BPI: variants seen among roughly 807,000 people sequenced by gnomAD.
BPI encodes the protein bactericidal permeability increasing protein.
In BPI, 48 loss-of-function variants were observed where a neutral mutation model predicts 57.6. The ratio of observed to expected loss-of-function variants is 0.83; its 90% confidence interval spans 0.66 to 1.06. The LOEUF is 1.06. Among genes scored for constraint, BPI ranks in the 50% least tolerant of loss-of-function variants. The pLI is 0.00. For missense variants in BPI, 651 were observed against 609.7 expected, an observed-to-expected ratio of 1.07 and a Z score of -0.71; for synonymous variants, 237 against 238.2, an observed-to-expected ratio of 0.99 and a Z score of 0.05.
intron 6 of BPI, among the ~76,000 whole-genome samples, chr20:38,318,734 CA>C (rs1253542804): frequency 3.3e-5 from 5 of 152,190 alleles, no homozygotes; most frequent in African/African-American, 7.2e-5. Flanking sequence ...AAAATACCCC[CA>C]GCTCTCTGAG....
chr20:38,330,900 C>T (rs1012380837), intron 11 of BPI, 148 bp from the exon 12 acceptor site: 10 of 852,508 alleles, frequency 1.2e-5, no homozygotes, highest in African/African-American at 5.1e-5. Flanking sequence ...AAGGCAACAT[C>T]GGGGGGCTGT....
chr20:38,313,497 G>A (rs1182884195), intron 5 of BPI, among the ~76,000 whole-genome samples: 1 of 151,912 alleles, frequency 6.6e-6, no homozygotes, highest in African/African-American at 2.4e-5. Flanking sequence ...CACTCACTAG[G>A]CTAGCTCACC....
Position 38,326,375 on chromosome 20 carries a change from C to T in BPI, c.1104C>T (p.Val368=). 6.2e-7 allele frequency: 1 copy of T among 1,614,196 alleles called. No homozygotes were observed. The highest frequency in any genetic ancestry group is 1.1e-5 in the South Asian group (1 of 91,086). ...TTACCTTCTACCCTGCCGTGGATGT[C>T]CAGGCCTTTGCCGTCCTCCCCAACT... is the stretch of plus-strand genomic sequence containing the variant. ...TGLTFYPAVD[V]QAFAVLPNSS... The change falls in exon 10 of 15, where the codon GTC becomes GTT. Residue 368 remains valine (V), a synonymous_variant. Transcript: ENST00000642449.
intron 7 of BPI, among the ~76,000 whole-genome samples, chr20:38,322,437 A>G (rs1392098379): frequency 1.3e-5 from 2 of 152,238 alleles, no homozygotes; most frequent in African/African-American, 4.8e-5. Flanking sequence ...ACTGACAACC[A>G]TGGAGTGTGT....
At chr20:38,318,121 CA>C (rs57987577) in intron 5 of BPI, 24,560 of 629,004 alleles carry the variant, frequency 0.039, 9 homozygotes, top group Middle Eastern at 0.043. Context: ...ACAACAGCAA[CA>C]AAAAAAAAAA....
intron 11 of BPI, among the ~76,000 whole-genome samples, chr20:38,330,713 C>G (rs923368944): frequency 6.6e-6 from 1 of 152,166 alleles, no homozygotes; most frequent in Non-Finnish European, 1.5e-5. Context: ...ACCTTATTCC[C>G]AATATTCCCA....
intron 5 of BPI, among the ~76,000 whole-genome samples, chr20:38,313,914 G>C (rs1191793048): frequency 6.6e-6 from 1 of 151,400 alleles, no homozygotes; most frequent in Non-Finnish European, 1.5e-5. Flanking sequence ...TTCTGAGGAT[G>C]ATAATGATGA....
chr20:38,336,373 G>C (rs1267003626), intron 14 of BPI, among the ~76,000 whole-genome samples: 2 of 152,034 alleles, frequency 1.3e-5, no homozygotes, highest in South Asian at 2.1e-4. Context: ...TCCCAGACAT[G>C]CTTCCAGTCT....
At chr20:38,337,025 C>T in intron 14 of BPI, 121 bp from the exon 15 acceptor site, 1 of 969,614 alleles carries the variant, frequency 1.0e-6, no homozygotes, top group Non-Finnish European at 1.6e-6. Context: ...CCCACTGGCC[C>T]TGCCTTTCTC....
At chr20:38,327,808 A>G (rs1239117464) in intron 11 of BPI, among the ~76,000 whole-genome samples, 153 bp downstream of exon 11, 1 of 152,200 alleles carries the variant, frequency 6.6e-6, no homozygotes, top group Non-Finnish European at 1.5e-5. Flanking sequence ...TGGCCACAGT[A>G]TCCCCATTTT....
intron 10 of BPI, among the ~76,000 whole-genome samples, chr20:38,327,112 C>A (rs1476174650): frequency 1.3e-5 from 2 of 152,206 alleles, no homozygotes; most frequent in Non-Finnish European, 2.9e-5. Flanking sequence ...GGTTCAGACA[C>A]TCTCTGCACC....
At position 38,326,256 on chromosome 20, in the gene BPI, G is replaced by C. The variant is rs764711741; in HGVS notation, c.994-9G>C. 2.5e-6 allele frequency: 4 copies of C among 1,609,956 alleles called. No individual in the cohort carries two copies. Among genetic ancestry groups the C allele is most frequent in the South Asian group, 1.1e-5 (1 of 90,720 alleles). ...TCCTTTCGTTGATTGTCTCCACTGG[G>C]GGCTGCAGGTGGCCAAGAAGTTTCC... On this transcript the variant is annotated splice_polypyrimidine_tract_variant and intron_variant, in intron 9 of 14. Coordinates refer to ENST00000642449, the MANE Select transcript of BPI (RefSeq NM_001725.3).
rs557591968 is a variant in BPI at position 38,323,037 on chromosome 20, A to G, written c.757-833A>G. On this transcript the variant is annotated intron_variant, in intron 7 of 14. Coordinates refer to ENST00000642449, the MANE Select transcript of BPI (RefSeq NM_001725.3). ...TTCCAAGTACCCAACACACAGATTT[A>G]AGAGATCTTACCATTTTGTCATATT... Among the ~76,000 whole-genome samples, 3 of 152,360 alleles carry G rather than the reference A, an allele frequency of 2.0e-5. No individual in the cohort carries two copies. The East Asian group carries it at 5.8e-4, about 29-fold the overall frequency.
In BPI at chr20:38,326,320, C is replaced by T. The variant is rs555002988; in HGVS notation, c.1049C>T (p.Pro350Leu). ...CAGATCCATGTCTCAGCCTCCACCC[C>T]GCCACACCTGTCTGTGCAGCCCACC... ...KIQIHVSAST[P>L]PHLSVQPTGL... The change falls in exon 10 of 15, where the codon CCG becomes CTG. Residue 350 changes from proline (P) to leucine (L), a missense_variant. Physicochemically the swap from Pro to Leu is moderately conservative, Grantham distance 98. Coordinates refer to ENST00000642449, the MANE Select transcript of BPI (RefSeq NM_001725.3). 3.0e-5 allele frequency: 48 copies of T among 1,614,130 alleles called. No homozygotes were observed. In the East Asian group the frequency reaches 4.2e-4, roughly 14 times the overall value.
chr20:38,330,802 A>C (rs2076738388), intron 11 of BPI, among the ~76,000 whole-genome samples: 1 of 152,210 alleles, frequency 6.6e-6, no homozygotes, highest in Non-Finnish European at 1.5e-5. Context: ...GTAGCAGAAG[A>C]AGTGGACTAT....
At position 38,337,326 on chromosome 20, in the gene BPI, T is replaced by C. The variant is rs2076772612; in HGVS notation, c.*142T>C. 1 of 670,778 alleles carries C rather than the reference T, an allele frequency of 1.5e-6. No individual in the cohort carries two copies. The highest frequency in any genetic ancestry group is 2.1e-5 in the South Asian group (1 of 48,748). The allele number at this position is 670,778 out of a possible 1,614,324, so 41.6% of individuals were successfully genotyped here. A position where few individuals can be genotyped will look rare whatever the true frequency, so the allele number is the denominator to read the frequency against. On this transcript the variant is annotated 3_prime_UTR_variant, in exon 15 of 15. Transcript: ENST00000642449. ...TTCTTCGACTCAGATTCAGAAATGA[T>C]CTAAACACGAGGAAACATTATTCAT... is the stretch of plus-strand genomic sequence containing the variant.
intron 12 of BPI, 23 bp downstream of exon 12, chr20:38,331,113 C>A: frequency 1.2e-6 from 2 of 1,611,380 alleles, no homozygotes; most frequent in Non-Finnish European, 1.7e-6. Flanking sequence ...CCCTTGGTGG[C>A]TTCTTCCTCC....
intron 1 of BPI, among the ~76,000 whole-genome samples, chr20:38,307,203 C>T (rs747164865): frequency 7.9e-5 from 12 of 151,544 alleles, no homozygotes; most frequent in Non-Finnish European, 2.9e-5. Context: ...TGTCTCAAAA[C>T]AACAACAAAA....
intron 5 of BPI, chr20:38,317,925 C>T: frequency 4.1e-6 from 4 of 985,278 alleles, no homozygotes; most frequent in Non-Finnish European, 4.8e-6. Context: ...TAGGGAATGG[C>T]TTCTCTGGCC....
Sources: allele counts gnomAD v4.1 joint callset (sites outside exome capture counted in the v4.1 genomes callset), GRCh38; gene constraint gnomAD v4.1.1; transcripts MANE v1.5; gene names NCBI Gene and HGNC (gene_info 2026-07-23, HGNC 2026-07-21).